The following TNS3 variants were observed in gnomAD, a reference collection of about 807,000 sequenced individuals.
TNS3 encodes the protein tensin 3.
Under a neutral mutation model 140.9 loss-of-function variants are expected in TNS3, and 45 were observed. That is an observed-to-expected ratio of 0.32 (90% CI 0.25 to 0.41). The LOEUF (loss-of-function observed/expected upper bound fraction) is 0.41, where lower values mean the gene tolerates loss of function less well. Among genes scored for constraint, TNS3 ranks in the 10% least tolerant of loss-of-function variants. The pLI is 1.00. For synonymous variants in TNS3, 815 were observed against 788.4 expected (o/e 1.03, Z -0.56); for missense variants, 1,716 against 1,906.7 (o/e 0.90, Z 1.86).
At chr7:47,415,309 G>T in intron 10 of TNS3, 103 bp from the exon 11 acceptor site, 1 of 748,072 alleles carries the variant, frequency 1.3e-6, no homozygotes, top group Non-Finnish European at 2.2e-6. Context: ...TGGGGCTCTG[G>T]GAGAGAATCG....
intron 16 of TNS3, among the ~76,000 whole-genome samples, chr7:47,383,785 G>A (rs1791912847): frequency 6.6e-6 from 1 of 152,166 alleles, no homozygotes; most frequent in Non-Finnish European, 1.5e-5. Flanking sequence ...TCTCTTCTGT[G>A]CACTGGTCAC....
chr7:47,334,025 G>A (rs756253768), intron 20 of TNS3, among the ~76,000 whole-genome samples: 4 of 152,106 alleles, frequency 2.6e-5, no homozygotes, highest in Admixed American at 6.5e-5. Context: ...AGTGCCACTG[G>A]TACTGCCCTT....
In TNS3 at chr7:47,471,363, G is replaced by A. The variant is rs548758093; in HGVS notation, c.-76+9740C>T. 7.2e-5 allele frequency among the ~76,000 whole-genome samples: 11 copies of A among 152,260 alleles called. No individual in the cohort carries two copies. In the South Asian group the frequency reaches 1.0e-3, roughly 14 times the overall value. ...GGACCATCCTGGTAACCATCTCACC[G>A]TCTCGTCTCTGGGAACTGGGCTGAG... On this transcript the variant is annotated intron_variant, in intron 4 of 30. Coordinates refer to ENST00000311160, the MANE Select transcript of TNS3 (RefSeq NM_022748.12).
chr7:47,412,657 A>G, intron 12 of TNS3, among the ~76,000 whole-genome samples: 1 of 152,234 alleles, frequency 6.6e-6, no homozygotes, highest in East Asian at 1.9e-4. Context: ...GAAAAACCAT[A>G]GTAGTGAGAT....
chr7:47,396,648 ACTGTGTCACACGAAGGTGTGATT>A, intron 16 of TNS3, 129 bp downstream of exon 16: 1 of 689,152 alleles, frequency 1.5e-6, no homozygotes, highest in Non-Finnish European at 2.6e-6. Flanking sequence ...AAAACTCACA[ACTGTGTCACACGAAGGTGTGATT>A]CTGGACCTCT....
chr7:47,363,245 C>T (rs566258756), intron 17 of TNS3, among the ~76,000 whole-genome samples: 1 of 149,998 alleles, frequency 6.7e-6, no homozygotes, highest in South Asian at 2.1e-4. Flanking sequence ...AACACCACCA[C>T]CATATCCATC....
chr7:47,538,108 T>G (rs1312430477), intron 1 of TNS3, among the ~76,000 whole-genome samples: 6 of 151,870 alleles, frequency 4.0e-5, no homozygotes, highest in African/African-American at 1.5e-4. Flanking sequence ...GACAGGGTGA[T>G]GGGAGAAGAT....
chr7:47,485,938 A>ATG (rs1460455542), intron 3 of TNS3, among the ~76,000 whole-genome samples: 1 of 151,114 alleles, frequency 6.6e-6, no homozygotes, highest in East Asian at 1.9e-4. Flanking sequence ...GGGTGAGCGT[A>ATG]TGTGTGTGTG....
intron 15 of TNS3, 53 bp downstream of exon 15, chr7:47,400,340 C>A: frequency 6.8e-7 from 1 of 1,474,106 alleles, no homozygotes; most frequent in Non-Finnish European, 9.5e-7. Context: ...AGCCATCATG[C>A]ACCTTTCACC....
chr7:47,493,841 A>G (rs1018523057), intron 3 of TNS3, among the ~76,000 whole-genome samples: 6 of 151,698 alleles, frequency 4.0e-5, no homozygotes, highest in African/African-American at 1.5e-4. Context: ...AAAAAAAAAA[A>G]GCTGACAAGA....
intron 16 of TNS3, among the ~76,000 whole-genome samples, chr7:47,386,802 C>T (rs1792101195): frequency 6.6e-6 from 1 of 152,362 alleles, no homozygotes; most frequent in Non-Finnish European, 1.5e-5. Flanking sequence ...TTAAAGCTCG[C>T]TTTTCTTACA....
intron 16 of TNS3, among the ~76,000 whole-genome samples, chr7:47,392,091 G>A (rs1054730876): frequency 1.3e-5 from 2 of 152,120 alleles, no homozygotes; most frequent in African/African-American, 4.8e-5. Flanking sequence ...ACCATAGTGA[G>A]GCTTCCGGCA....
intron 20 of TNS3, 54 bp downstream of exon 20, chr7:47,344,701 C>T (rs543093175): frequency 1.3e-6 from 2 of 1,535,528 alleles, no homozygotes; most frequent in Admixed American, 1.8e-5. Context: ...ATGGCGACCC[C>T]GCGATGCAGC....
intron 3 of TNS3, among the ~76,000 whole-genome samples, chr7:47,504,497 C>T (rs2151873705): frequency 6.6e-6 from 1 of 152,348 alleles, no homozygotes; most frequent in East Asian, 1.9e-4. Flanking sequence ...TAACACAGCA[C>T]ACGCTACCAC....
At chr7:47,477,026 C>T (rs1361962761) in intron 4 of TNS3, among the ~76,000 whole-genome samples, 1 of 152,184 alleles carries the variant, frequency 6.6e-6, no homozygotes, top group Admixed American at 6.5e-5. Context: ...GGAAAAGGTT[C>T]CTTCTCCATT....
intron 17 of TNS3, among the ~76,000 whole-genome samples, chr7:47,361,904 G>A (rs1226371605): frequency 6.6e-6 from 1 of 152,110 alleles, no homozygotes; most frequent in Non-Finnish European, 1.5e-5. Context: ...GAAGCAAAGA[G>A]CCCTCAAGGT....
chr7:47,429,554 A>C (rs2136769), intron 8 of TNS3, among the ~76,000 whole-genome samples: 53,137 of 151,928 alleles, frequency 0.35, 11,234 homozygotes, highest in Middle Eastern at 0.5. Flanking sequence ...TTTTTAGTAG[A>C]GATGGGGTTT....
chr7:47,413,839 C>T (rs1793922561), intron 12 of TNS3, 98 bp downstream of exon 12: 1 of 1,473,210 alleles, frequency 6.8e-7, no homozygotes, highest in Admixed American at 1.8e-5. Context: ...CCTGAACCCT[C>T]CCACACTCTT....
chr7:47,554,157 A>G (rs1270537024), intron 1 of TNS3, among the ~76,000 whole-genome samples: 10 of 149,758 alleles, frequency 6.7e-5, no homozygotes, highest in African/African-American at 2.4e-4. Context: ...AGTGGCTCAC[A>G]CCTGTAATCC....
Sources: allele counts gnomAD v4.1 joint callset (sites outside exome capture counted in the v4.1 genomes callset), GRCh38; gene constraint gnomAD v4.1.1; transcripts MANE v1.5; gene names NCBI Gene and HGNC (gene_info 2026-07-23, HGNC 2026-07-21).